MEMO1: variants seen among roughly 807,000 people sequenced by gnomAD.
MEMO1 encodes mediator of cell motility 1.
In MEMO1, 6 loss-of-function variants were observed where a neutral mutation model predicts 45.2. That is an observed-to-expected ratio of 0.13 (90% confidence interval 0.07 to 0.26). MEMO1 has a LOEUF of 0.26. Ranked by LOEUF, MEMO1 falls within the 10% of genes least tolerant of loss-of-function variation. The pLI, the probability that MEMO1 is intolerant of heterozygous loss-of-function variation, is 1.00. For missense variants in MEMO1, 184 were observed against 370.5 expected (o/e 0.50, Z 4.13); for synonymous variants, 78 against 124.3 (o/e 0.63, Z 2.48).
intron 7 of MEMO1, among the ~76,000 whole-genome samples, chr2:31,890,978 A>T (rs1345040306): frequency 6.6e-6 from 1 of 152,198 alleles, no homozygotes; most frequent in Non-Finnish European, 1.5e-5. Flanking sequence ...CTGAGATCTC[A>T]ACTTTGAAAA....
chr2:31,931,708 A>C (rs1420084202), intron 4 of MEMO1, among the ~76,000 whole-genome samples: 1 of 152,218 alleles, frequency 6.6e-6, no homozygotes. Flanking sequence ...AATTTTAACA[A>C]GTACAATAAA....
intron 2 of MEMO1, among the ~76,000 whole-genome samples, chr2:31,972,565 G>C (rs1197935517): frequency 6.6e-6 from 1 of 152,070 alleles, no homozygotes; most frequent in African/African-American, 2.4e-5. Context: ...ACCAAAATTA[G>C]CCAGGCATAG....
chr2:31,960,909 G>T (rs891770812), intron 2 of MEMO1, among the ~76,000 whole-genome samples: 1 of 151,938 alleles, frequency 6.6e-6, no homozygotes, highest in Non-Finnish European at 1.5e-5. Context: ...TTAAATTTCA[G>T]TAACTGTCAT....
chr2:31,908,732 G>T (rs1446507181), intron 6 of MEMO1, among the ~76,000 whole-genome samples: 1 of 152,186 alleles, frequency 6.6e-6, no homozygotes, highest in African/African-American at 2.4e-5. Context: ...CCACTTCACT[G>T]AGTATTCTGT....
chr2:31,993,949 CTTTTTTTTTTTTTTTT>C lies in MEMO1; in HGVS notation c.61+16222_61+16237del, dbSNP rs397800267. 1.2e-4 allele frequency among the ~76,000 whole-genome samples: 9 copies of C among 73,556 alleles called. 1 individual carries two copies. The highest frequency in any genetic ancestry group is 1.1e-3 in the Admixed American group (7 of 6,264). The allele number at this position is 73,556 out of a possible 152,430, so 48.3% of individuals were successfully genotyped here. On this transcript the variant is annotated intron_variant, in intron 2 of 9. Transcript: ENST00000404530. The stretch of plus-strand genomic sequence containing the variant: ...AATACAGAAATATCATCAATACTTT[CTTTTTTTTTTTTTTTT>C]TTTTTTTTTTTTTGAGACAGAGTCT...
At chr2:31,977,164 G>C (rs910574618) in intron 2 of MEMO1, among the ~76,000 whole-genome samples, 3 of 152,116 alleles carry the variant, frequency 2.0e-5, no homozygotes, top group African/African-American at 4.8e-5. Context: ...CAAAAGCATA[G>C]AAGTGGATAT....
intron 3 of MEMO1, among the ~76,000 whole-genome samples, chr2:31,939,432 T>C (rs1029756636): frequency 1.3e-5 from 2 of 152,160 alleles, no homozygotes; most frequent in South Asian, 2.1e-4. Flanking sequence ...AAACATTCCA[T>C]TTCCCAGGTC....
chr2:31,974,098 C>T (rs1172000757), intron 2 of MEMO1, among the ~76,000 whole-genome samples: 2 of 151,992 alleles, frequency 1.3e-5, no homozygotes, highest in South Asian at 2.1e-4. Flanking sequence ...TCGCTCCCTC[C>T]CTCCCTCCCT....
chr2:31,934,616 TAGATGAGAAAATAC>T (rs1664694578), intron 3 of MEMO1, among the ~76,000 whole-genome samples: 1 of 151,548 alleles, frequency 6.6e-6, no homozygotes, highest in African/African-American at 2.4e-5. Flanking sequence ...GTACATAAGG[TAGATGAGAAAATAC>T]AAGACAGGCC....
chr2:31,914,360 G>A (rs1035159335), intron 6 of MEMO1, among the ~76,000 whole-genome samples: 3 of 152,296 alleles, frequency 2.0e-5, no homozygotes, highest in Admixed American at 6.5e-5. Flanking sequence ...GAAGAATAGT[G>A]GAGGGCTAAA....
At chr2:31,869,527 A>G (rs1489278591) in intron 9 of MEMO1, among the ~76,000 whole-genome samples, 2 of 152,126 alleles carry the variant, frequency 1.3e-5, no homozygotes, top group Non-Finnish European at 2.9e-5. Flanking sequence ...AAACCAAAAA[A>G]TTAATAAGAC....
At chr2:31,940,175 G>T (rs2148304486) in intron 3 of MEMO1, among the ~76,000 whole-genome samples, 1 of 152,164 alleles carries the variant, frequency 6.6e-6, no homozygotes, top group South Asian at 2.1e-4. Context: ...TAAAAAGGTG[G>T]CTTATCCAAG....
chr2:31,878,490 C>T (rs1232035783), intron 8 of MEMO1, among the ~76,000 whole-genome samples: 2 of 151,736 alleles, frequency 1.3e-5, no homozygotes, highest in South Asian at 2.1e-4. Flanking sequence ...GATAGGACCA[C>T]CATCATTTGA....
At chr2:31,938,118 C>T (rs1572742169) in intron 3 of MEMO1, among the ~76,000 whole-genome samples, 1 of 152,096 alleles carries the variant, frequency 6.6e-6, no homozygotes, top group Non-Finnish European at 1.5e-5. Context: ...AACGTGCCTG[C>T]CTTATGTCAC....
At chr2:31,955,778 T>C (rs1202354563) in intron 2 of MEMO1, among the ~76,000 whole-genome samples, 1 of 152,094 alleles carries the variant, frequency 6.6e-6, no homozygotes, top group Non-Finnish European at 1.5e-5. Flanking sequence ...CCAACTAATT[T>C]TGTATTTTCA....
chr2:31,996,222 G>C (rs147431129), intron 2 of MEMO1, among the ~76,000 whole-genome samples: 6 of 150,366 alleles, frequency 4.0e-5, no homozygotes, highest in Admixed American at 3.3e-4. Context: ...GAGAGAGAAA[G>C]AGAGAGAGAG....
intron 2 of MEMO1, among the ~76,000 whole-genome samples, chr2:31,979,199 CGATGAGAA>C (rs1401878643): frequency 2.0e-5 from 3 of 152,074 alleles, no homozygotes; most frequent in Non-Finnish European, 2.9e-5. Flanking sequence ...TCCCTCACTA[CGATGAGAA>C]CAGCAGAGAG....
intron 2 of MEMO1, among the ~76,000 whole-genome samples, chr2:32,002,168 AATAT>A (rs1553383011): frequency 1.3e-4 from 10 of 74,898 alleles, no homozygotes; most frequent in Non-Finnish European, 1.9e-4. Context: ...AAAAAAAAAA[AATAT>A]ATATATATAT....
rs141750441 is a variant in MEMO1, at chr2:31,929,628, T to C, written c.212+2439A>G. 3.7e-4 allele frequency among the ~76,000 whole-genome samples: 57 copies of C among 152,340 alleles called. No individual in the cohort carries two copies. In the East Asian group the frequency reaches 0.011, roughly 29 times the overall value. On this transcript the variant is annotated intron_variant, in intron 4 of 9. Coordinates refer to ENST00000404530, the MANE Select transcript of MEMO1 (RefSeq NM_001301833.4). ...TTTTGGAATAATTTTTACCTGTTAT[T>C]TGTAATGCCTTTTAAAATCATATTT... is the stretch of plus-strand genomic sequence containing the variant.
Sources: gnomAD v4.1 joint callset for allele counts (sites outside exome capture counted in the v4.1 genomes callset) on GRCh38, gnomAD v4.1.1 for gene constraint, MANE v1.5 for transcripts, NCBI Gene and HGNC (gene_info 2026-07-23, HGNC 2026-07-21) for gene names.